Variants in EFNA5 observed in about 807,000 individuals in gnomAD.
The protein encoded by EFNA5 is ephrin-A5.
In EFNA5, 5 loss-of-function variants were observed where a neutral mutation model predicts 22.9. The ratio of observed to expected loss-of-function variants is 0.22; its 90% confidence interval spans 0.11 to 0.46. The LOEUF is 0.46. Among genes scored for constraint, EFNA5 ranks in the 20% least tolerant of loss-of-function variants. EFNA5 has a pLI of 0.99. For synonymous variants in EFNA5, 113 were observed against 112.2 expected (o/e 1.01, Z -0.04); for missense variants, 237 against 293.3 (o/e 0.81, Z 1.40).
At position 107,507,509 on chromosome 5, in the gene EFNA5, G is replaced by A. The variant is rs1262650748; in HGVS notation, c.126-80000C>T. 2.6e-5 allele frequency among the ~76,000 whole-genome samples: 4 copies of A among 152,202 alleles called. No homozygotes were observed. The East Asian group carries it at 7.7e-4, about 29-fold the overall frequency. On this transcript the variant is annotated intron_variant, in intron 1 of 4. Transcript: ENST00000333274. ...CTATATTAATTAAGAACCTAGCCAG[G>A]GAATGCAGGAATGGATGAAGGGTTT...
At chr5:107,564,631 G>GTTTTTTT (rs34585445) in intron 1 of EFNA5, among the ~76,000 whole-genome samples, 111 of 114,904 alleles carry the variant, frequency 9.7e-4, no homozygotes, top group East Asian at 1.5e-3. Flanking sequence ...TTGGGTTTTT[G>GTTTTTTT]TTTTTTTTTT....
chr5:107,625,190 A>T (rs1030883451), intron 1 of EFNA5, among the ~76,000 whole-genome samples: 4 of 152,104 alleles, frequency 2.6e-5, no homozygotes, highest in African/African-American at 4.8e-5. Flanking sequence ...TAAAATTTTT[A>T]TTTCTGAATA....
At chr5:107,449,253 T>C (rs1749484224) in intron 1 of EFNA5, among the ~76,000 whole-genome samples, 1 of 151,968 alleles carries the variant, frequency 6.6e-6, no homozygotes, top group Non-Finnish European at 1.5e-5. Context: ...GAAGAGCAGC[T>C]ATAACCAAAT....
intron 1 of EFNA5, among the ~76,000 whole-genome samples, chr5:107,462,341 A>G (rs1749854900): frequency 6.6e-6 from 1 of 152,186 alleles, no homozygotes; most frequent in Non-Finnish European, 1.5e-5. Context: ...TGTTTATATA[A>G]ATAGCTTCTG....
intron 1 of EFNA5, among the ~76,000 whole-genome samples, chr5:107,597,810 C>T (rs770638833): frequency 8.5e-5 from 13 of 152,198 alleles, no homozygotes; most frequent in Non-Finnish European, 7.4e-5. Flanking sequence ...TTTACAAGCA[C>T]TGAGTGAGCA....
At chr5:107,639,803 A>C (rs1187523229) in intron 1 of EFNA5, among the ~76,000 whole-genome samples, 2 of 152,216 alleles carry the variant, frequency 1.3e-5, no homozygotes, top group African/African-American at 4.8e-5. Context: ...TTCTTAAAAA[A>C]AACCCAGTGC....
intron 1 of EFNA5, among the ~76,000 whole-genome samples, chr5:107,516,391 C>T (rs1747483200): frequency 6.6e-6 from 1 of 151,838 alleles, no homozygotes; most frequent in African/African-American, 2.4e-5. Flanking sequence ...AGAATTTAAT[C>T]CTCAAAAGTA....
chr5:107,427,522 G>GAAAAAAA lies in EFNA5; in HGVS notation c.126-20_126-14dup. On this transcript the variant is annotated splice_polypyrimidine_tract_variant and intron_variant, in intron 1 of 4. Transcript: ENST00000333274. Reference sequence around the variant, plus strand: ...ACCCCTCTGGAATCTGTTAGAAAAAGAAAAAAAAATGTGATAATTCATAGA... The same window carrying GAAAAAAA: ...ACCCCTCTGGAATCTGTTAGAAAAAGAAAAAAAAAAAAAAAATGTGATAATTCATAGA... The GAAAAAAA allele has an allele frequency of 6.5e-7, 1 of 1,533,146 alleles. No homozygotes were observed. The highest frequency in any genetic ancestry group is 8.8e-7 in the Non-Finnish European group (1 of 1,139,974). 95.0% of individuals were successfully genotyped at this position (1,533,146 alleles called of 1,614,324 possible).
intron 1 of EFNA5, among the ~76,000 whole-genome samples, chr5:107,504,586 A>C (rs1266923957): frequency 6.6e-6 from 1 of 152,216 alleles, no homozygotes; most frequent in Non-Finnish European, 1.5e-5. Flanking sequence ...GAGCACAGAC[A>C]GATACAGATA....
intron 1 of EFNA5, among the ~76,000 whole-genome samples, chr5:107,652,250 C>T (rs1461552009): frequency 1.3e-5 from 2 of 152,174 alleles, no homozygotes; most frequent in East Asian, 1.9e-4. Flanking sequence ...TACAAGGTTA[C>T]AGCCAGTAGG....
chr5:107,586,274 T>C (rs1192649911), intron 1 of EFNA5, among the ~76,000 whole-genome samples: 1 of 152,116 alleles, frequency 6.6e-6, no homozygotes, highest in Non-Finnish European at 1.5e-5. Flanking sequence ...ATACCGCATA[T>C]CTAGATCTCA....
At chr5:107,591,569 C>T (rs1749325690) in intron 1 of EFNA5, among the ~76,000 whole-genome samples, 1 of 151,470 alleles carries the variant, frequency 6.6e-6, no homozygotes, top group African/African-American at 2.4e-5. Flanking sequence ...ACACTGTAAT[C>T]CCAGCACTTT....
At chr5:107,444,678 A>C (rs1749345075) in intron 1 of EFNA5, among the ~76,000 whole-genome samples, 1 of 152,206 alleles carries the variant, frequency 6.6e-6, no homozygotes, top group Admixed American at 6.5e-5. Flanking sequence ...TAAAACCAGT[A>C]AGCACAGCTG....
chr5:107,475,288 G>A (rs1036356515), intron 1 of EFNA5, among the ~76,000 whole-genome samples: 4 of 152,228 alleles, frequency 2.6e-5, no homozygotes, highest in Admixed American at 6.5e-5. Flanking sequence ...CCACCCTTGT[G>A]AGATGGCTAA....
intron 1 of EFNA5, among the ~76,000 whole-genome samples, chr5:107,529,411 A>G (rs1747764652): frequency 6.6e-6 from 1 of 152,058 alleles, no homozygotes; most frequent in Admixed American, 6.6e-5. Flanking sequence ...AACCAACTAG[A>G]TAAGTATAGC....
chr5:107,589,845 T>G (rs893250723), intron 1 of EFNA5, among the ~76,000 whole-genome samples: 11 of 152,230 alleles, frequency 7.2e-5, no homozygotes, highest in African/African-American at 2.7e-4. Context: ...TTTACCCGTG[T>G]GCTAAGAAAA....
intron 2 of EFNA5, among the ~76,000 whole-genome samples, chr5:107,397,077 A>G (rs1410456217): frequency 1.4e-5 from 2 of 143,044 alleles, no homozygotes; most frequent in Non-Finnish European, 3.0e-5. Flanking sequence ...TTCTCACTCC[A>G]CTCTTTAATT....
At chr5:107,421,903 T>C (rs1748678514) in intron 2 of EFNA5, among the ~76,000 whole-genome samples, 1 of 152,034 alleles carries the variant, frequency 6.6e-6, no homozygotes, top group African/African-American at 2.4e-5. Context: ...GCAATTCTCC[T>C]GCCTCAGCTT....
In EFNA5 at chr5:107,477,240, A is replaced by G. The variant is rs1280715642; in HGVS notation, c.126-49731T>C. Among the ~76,000 whole-genome samples the G allele has an allele frequency of 3.3e-5, 5 of 152,318 alleles. No individual in the cohort carries two copies. The South Asian group carries it at 8.3e-4, about 25-fold the overall frequency. On this transcript the variant is annotated intron_variant, in intron 1 of 4. Coordinates refer to ENST00000333274, the MANE Select transcript of EFNA5 (RefSeq NM_001962.3). Reference sequence around the variant, plus strand: ...ATAGGTCAATGTGTAGATAAGAGATACTAATCATAATATTAACATATAGAT... The same window carrying G: ...ATAGGTCAATGTGTAGATAAGAGATGCTAATCATAATATTAACATATAGAT...
Sources: gnomAD v4.1 joint callset for allele counts (sites outside exome capture counted in the v4.1 genomes callset) on GRCh38, gnomAD v4.1.1 for gene constraint, MANE v1.5 for transcripts, NCBI Gene and HGNC (gene_info 2026-07-23, HGNC 2026-07-21) for gene names.